The following EML6 variants were observed in gnomAD, a reference collection of about 807,000 sequenced individuals.
EML6 encodes EMAP like 6, also known as echinoderm microtubule-associated protein-like 6.
EML6 carries 154 observed loss-of-function variants against 240.1 expected under a neutral mutation model. That is an observed-to-expected ratio of 0.64 (90% CI 0.56 to 0.73). EML6 has a LOEUF of 0.73. Ranked by LOEUF, EML6 falls within the 30% of genes least tolerant of loss-of-function variation. The pLI is 0.00. For synonymous variants in EML6, 1,148 were observed against 899.0 expected (o/e 1.28, Z -4.95); for missense variants, 2,964 against 2,474.6 (o/e 1.20, Z -4.20).
Position 54,813,225 on chromosome 2 carries a change from C to G in EML6, c.198-7C>G, listed in dbSNP as rs1467973132. On this transcript the variant is annotated splice_region_variant and splice_polypyrimidine_tract_variant and intron_variant, in intron 2 of 41. Coordinates refer to ENST00000356458, the MANE Select transcript of EML6 (RefSeq NM_001039753.4). ...GAAGATGTGAAAAGAAACCTTTTCTCTTTCAGCCTTGCCTTACACCCAGAC... is the reference window on the plus strand; with the variant it reads ...GAAGATGTGAAAAGAAACCTTTTCTGTTTCAGCCTTGCCTTACACCCAGAC... 8 of 1,538,750 alleles carry G rather than the reference C, an allele frequency of 5.2e-6. No individual in the cohort carries two copies. Among genetic ancestry groups the G allele is most frequent in the Non-Finnish European group, 6.1e-6 (7 of 1,140,524 alleles).
chr2:54,874,356 T>C (rs574367190), intron 16 of EML6, among the ~76,000 whole-genome samples: 6 of 152,262 alleles, frequency 3.9e-5, no homozygotes, highest in South Asian at 2.1e-4. Context: ...CTGGAGGAGG[T>C]GAGGAGCCCG....
intron 17 of EML6, 193 bp downstream of exon 17, chr2:54,879,833 C>T (rs890251324): frequency 1.6e-5 from 9 of 563,146 alleles, no homozygotes; most frequent in South Asian, 9.7e-5. Context: ...ATGTTTGTTG[C>T]GGTGAATCAG....
Position 54,954,655 on chromosome 2 carries a change from C to T in EML6, c.4486+499C>T, listed in dbSNP as rs538185931. ...TTGAAATAGGGATTTATCTTACAAT[C>T]CAGGTTTACATTTACTGTAACAGGA... On this transcript the variant is annotated intron_variant, in intron 32 of 41. Coordinates refer to ENST00000356458, the MANE Select transcript of EML6 (RefSeq NM_001039753.4). 2.5e-4 allele frequency among the ~76,000 whole-genome samples: 38 copies of T among 152,190 alleles called. No individual in the cohort carries two copies. The South Asian group carries it at 7.9e-3, about 32-fold the overall frequency.
At chr2:54,752,927 C>T (rs561975621) in intron 2 of EML6, among the ~76,000 whole-genome samples, 28 of 152,232 alleles carry the variant, frequency 1.8e-4, no homozygotes, top group African/African-American at 6.3e-4. Flanking sequence ...TAGCTGGTGC[C>T]ACAGGCATCC....
At chr2:54,888,060 C>T (rs910018735) in intron 17 of EML6, among the ~76,000 whole-genome samples, 9 of 152,206 alleles carry the variant, frequency 5.9e-5, no homozygotes, top group Non-Finnish European at 1.2e-4. Flanking sequence ...AGCATAGACG[C>T]CAATACTATG....
At chr2:54,856,111 A>G (rs2103796218) in intron 11 of EML6, among the ~76,000 whole-genome samples, 1 of 152,346 alleles carries the variant, frequency 6.6e-6, no homozygotes, top group South Asian at 2.1e-4. Flanking sequence ...TTCTGCAGTT[A>G]ATGAAAATGA....
rs570019656 is a variant in EML6, at chr2:54,934,339, G to A, written c.4004+5588G>A. Among the ~76,000 whole-genome samples the A allele has an allele frequency of 5.8e-4, 88 of 152,082 alleles. 1 individual carries two copies. Among genetic ancestry groups the A allele is most frequent in the African/African-American group, 1.8e-3 (76 of 41,484 alleles). ...AATTTGTATCCTCCCGCCCTCCCAT[G>A]AGCTCCTCCCTTGACGAGAGACTGG... On this transcript the variant is annotated intron_variant, in intron 28 of 41. Transcript: ENST00000356458.
At chr2:54,918,455 C>T (rs1047875904) in intron 26 of EML6, among the ~76,000 whole-genome samples, 6 of 152,178 alleles carry the variant, frequency 3.9e-5, no homozygotes, top group Non-Finnish European at 1.5e-5. Flanking sequence ...CTCAAGCAAT[C>T]AATCCACCTC....
intron 24 of EML6, among the ~76,000 whole-genome samples, chr2:54,907,237 G>A (rs1673371115): frequency 1.3e-5 from 2 of 152,210 alleles, no homozygotes; most frequent in East Asian, 3.8e-4. Context: ...AAGGCTGGGT[G>A]CGGTGGCTCA....
At chr2:54,749,157 A>G (rs1263115209) in intron 2 of EML6, among the ~76,000 whole-genome samples, 1 of 152,212 alleles carries the variant, frequency 6.6e-6, no homozygotes, top group Admixed American at 6.5e-5. Flanking sequence ...CTCTGCTCTT[A>G]TATCACATTA....
At chr2:54,756,941 G>A (rs1296341674) in intron 2 of EML6, among the ~76,000 whole-genome samples, 1 of 151,592 alleles carries the variant, frequency 6.6e-6, no homozygotes, top group Non-Finnish European at 1.5e-5. Context: ...ATCTGTAATT[G>A]TAATCCTATT....
rs889772353 is a variant in EML6 at position 54,892,630 on chromosome 2, G to C, written c.2716G>C (p.Val906Leu). Residue 906 changes from valine (V) to leucine (L), a missense_variant, in exon 19 of 42, where the codon GTG (valine) becomes CTG (leucine). Transcript: ENST00000356458. Reference protein sequence around the residue: ...LKTVKAHDGPVFAMYALDKGF... With the variant: ...LKTVKAHDGPLFAMYALDKGF... The stretch of plus-strand genomic sequence containing the variant: ...GACAGTGAAAGCTCATGATGGGCCT[G>C]TGTTTGCTATGTATGCACTGGATAA... The C allele has an allele frequency of 1.4e-5, 21 of 1,551,680 alleles. No homozygotes were observed. The highest frequency in any genetic ancestry group is 1.6e-5 in the Non-Finnish European group (18 of 1,146,812).
intron 17 of EML6, among the ~76,000 whole-genome samples, chr2:54,884,466 G>A (rs1175613228): frequency 6.6e-6 from 1 of 152,176 alleles, no homozygotes; most frequent in Non-Finnish European, 1.5e-5. Context: ...CTTCCCTGAA[G>A]GTCAGGAATG....
chr2:54,735,692 T>A (rs354236), intron 2 of EML6, among the ~76,000 whole-genome samples: 1 of 152,170 alleles, frequency 6.6e-6, no homozygotes, highest in Non-Finnish European at 1.5e-5. Flanking sequence ...ATGTTTGTGC[T>A]TAAGGTATTT....
chr2:54,927,016 C>G (rs1674584018), intron 26 of EML6, among the ~76,000 whole-genome samples: 1 of 152,232 alleles, frequency 6.6e-6, no homozygotes, highest in South Asian at 2.1e-4. Context: ...AGAAGACCAG[C>G]AGGACACATG....
chr2:54,753,667 T>G (rs1226023687), intron 2 of EML6, among the ~76,000 whole-genome samples: 14 of 150,656 alleles, frequency 9.3e-5, no homozygotes, highest in Non-Finnish European at 1.8e-4. Context: ...CCTGAGTTTT[T>G]TTTTTTTTTT....
At chr2:54,895,464 T>C in intron 21 of EML6, 64 bp downstream of exon 21, 7 of 1,512,036 alleles carry the variant, frequency 4.6e-6, no homozygotes, top group Non-Finnish European at 5.4e-6. Flanking sequence ...TGAGGCAAAG[T>C]TGATGCTTAG....
intron 4 of EML6, among the ~76,000 whole-genome samples, 164 bp from the exon 5 acceptor site, chr2:54,820,230 G>T (rs1668269737): frequency 6.6e-6 from 1 of 152,172 alleles, no homozygotes; most frequent in Admixed American, 6.6e-5. Context: ...GATAACGTGT[G>T]TGTTAGTTCC....
rs140984444 is a variant in EML6 at position 54,967,565 on chromosome 2, AC to A, written c.5597+463del. 2.0e-3 allele frequency among the ~76,000 whole-genome samples: 298 copies of A among 152,326 alleles called. 1 individual carries two copies. Among genetic ancestry groups the A allele is most frequent in the Non-Finnish European group, 3.3e-3 (225 of 68,024 alleles). On this transcript the variant is annotated intron_variant, in intron 39 of 41. Transcript: ENST00000356458. ...CAACACACACATATTCAAGAGGACC[AC>A]AGGGAACAGGGAGAGAATCAAAGAT...
Sources: gnomAD v4.1 joint callset for allele counts (sites outside exome capture counted in the v4.1 genomes callset) on GRCh38, gnomAD v4.1.1 for gene constraint, MANE v1.5 for transcripts, NCBI Gene and HGNC (gene_info 2026-07-23, HGNC 2026-07-21) for gene names.